Variants in MSR1 observed in about 807,000 individuals in gnomAD.
MSR1 encodes the protein macrophage scavenger receptor types I and II.
A neutral mutation model predicts 47.2 loss-of-function variants in MSR1; 53 were observed. The observed-to-expected ratio is 1.12, with a 90% CI of 0.90 to 1.41. The LOEUF is 1.41. Ranked by LOEUF, MSR1 falls within the 40% of genes most tolerant of loss-of-function variation. The pLI is 0.00. For missense variants in MSR1, 786 were observed against 546.9 expected (o/e 1.44, Z -4.36); for synonymous variants, 239 against 185.6 (o/e 1.29, Z -2.34).
chr8:16,182,057 G>T (rs1801848432), intron 1 of MSR1, among the ~76,000 whole-genome samples: 1 of 152,056 alleles, frequency 6.6e-6, no homozygotes, highest in African/African-American at 2.4e-5. Flanking sequence ...ACTGCTGCTA[G>T]GCAACAAACC....
At chr8:16,165,958 T>C (rs989210494) in intron 4 of MSR1, among the ~76,000 whole-genome samples, 8 of 152,016 alleles carry the variant, frequency 5.3e-5, no homozygotes, top group African/African-American at 1.2e-4. Flanking sequence ...AAAGGTGAAA[T>C]AGTGAGCATG....
At chr8:16,183,849 T>G (rs1416589908) in intron 1 of MSR1, among the ~76,000 whole-genome samples, 2 of 144,034 alleles carry the variant, frequency 1.4e-5, no homozygotes, top group African/African-American at 5.0e-5. Flanking sequence ...ATCATAGAAT[T>G]GGCAATATAT....
intron 9 of MSR1, among the ~76,000 whole-genome samples, chr8:16,112,688 G>C (rs1157729869): frequency 6.6e-6 from 1 of 151,874 alleles, no homozygotes; most frequent in Non-Finnish European, 1.5e-5. Flanking sequence ...GATAATAACT[G>C]TTATTCAAGG....
At chr8:16,171,249 A>C (rs1381079416) in intron 3 of MSR1, among the ~76,000 whole-genome samples, 1 of 151,368 alleles carries the variant, frequency 6.6e-6, no homozygotes, top group Non-Finnish European at 1.5e-5. Context: ...AAAAAAAAAA[A>C]AGAAGCTGTT....
chr8:16,182,575 T>C (rs1004133398), intron 1 of MSR1, among the ~76,000 whole-genome samples: 3 of 151,954 alleles, frequency 2.0e-5, no homozygotes, highest in Non-Finnish European at 4.4e-5. Flanking sequence ...TTTTTTTTAA[T>C]GTTTCTACTT....
chr8:16,138,998 C>T (rs1162207060), intron 8 of MSR1, among the ~76,000 whole-genome samples: 1 of 152,148 alleles, frequency 6.6e-6, no homozygotes, highest in African/African-American at 2.4e-5. Context: ...ATTAGCCTGA[C>T]ATTTTGTTTT....
At chr8:16,123,514 C>A (rs1245988690) in intron 8 of MSR1, among the ~76,000 whole-genome samples, 1 of 101,352 alleles carries the variant, frequency 9.9e-6, no homozygotes, top group Non-Finnish European at 2.0e-5. Flanking sequence ...TATATTTAGT[C>A]AGATAGGGCT....
intron 7 of MSR1, among the ~76,000 whole-genome samples, chr8:16,148,387 C>G (rs1800756462): frequency 6.6e-6 from 1 of 152,140 alleles, no homozygotes; most frequent in Non-Finnish European, 1.5e-5. Flanking sequence ...ATCCAACAAT[C>G]ACACTCTTAG....
chr8:16,126,877 T>C (rs1414481553), intron 8 of MSR1, among the ~76,000 whole-genome samples: 6 of 152,062 alleles, frequency 3.9e-5, no homozygotes, highest in Non-Finnish European at 2.9e-5. Context: ...TTTTGCACAG[T>C]TTACTTAATG....
intron 5 of MSR1, among the ~76,000 whole-genome samples, chr8:16,157,871 C>G (rs1801054264): frequency 6.6e-6 from 1 of 151,892 alleles, no homozygotes; most frequent in Non-Finnish European, 1.5e-5. Flanking sequence ...TGTTGGCTTT[C>G]TTCTTCTTTT....
intron 8 of MSR1, among the ~76,000 whole-genome samples, chr8:16,125,754 TC>T (rs1800114082): frequency 6.6e-6 from 1 of 152,130 alleles, no homozygotes; most frequent in Non-Finnish European, 1.5e-5. Flanking sequence ...ACATTGTATT[TC>T]TTTTAAAAAT....
At chr8:16,189,127 A>G (rs917279423) in intron 1 of MSR1, among the ~76,000 whole-genome samples, 1 of 140,278 alleles carries the variant, frequency 7.1e-6, no homozygotes, top group Non-Finnish European at 1.5e-5. Context: ...TATACGCAAA[A>G]CCTTATTTTA....
chr8:16,174,140 G>C (rs957910820), intron 3 of MSR1, among the ~76,000 whole-genome samples: 1 of 151,962 alleles, frequency 6.6e-6, no homozygotes, highest in African/African-American at 2.4e-5. Flanking sequence ...TAATTGTAAG[G>C]GTGTATTATT....
chr8:16,109,878 T>G lies in MSR1; in HGVS notation c.*207A>C. 1.6e-6 allele frequency: 1 copy of G among 623,798 alleles called. No individual in the cohort carries two copies. Among genetic ancestry groups the G allele is most frequent in the Non-Finnish European group, 2.7e-6 (1 of 370,700 alleles). The allele number at this position is 623,798 out of a possible 1,614,324, so 38.6% of individuals were successfully genotyped here. A position where few individuals can be genotyped will look rare whatever the true frequency, so the allele number is the denominator to read the frequency against. On this transcript the variant is annotated 3_prime_UTR_variant, in exon 10 of 10. Coordinates refer to ENST00000262101, the MANE Select transcript of MSR1 (RefSeq NM_138715.3). Reference sequence around the variant, plus strand: ...AGTCATTATATTAGAAAATTCCATTTAAAAACCTATAGAAGTTAAAATGAT... The same window carrying G: ...AGTCATTATATTAGAAAATTCCATTGAAAAACCTATAGAAGTTAAAATGAT...
chr8:16,133,958 C>T (rs1186359301), intron 8 of MSR1, among the ~76,000 whole-genome samples: 1 of 152,128 alleles, frequency 6.6e-6, no homozygotes, highest in Non-Finnish European at 1.5e-5. Flanking sequence ...TCTGCTGTCT[C>T]AGTTCTTTTC....
chr8:16,152,478 G>A (rs748855940), intron 6 of MSR1, among the ~76,000 whole-genome samples: 1 of 152,056 alleles, frequency 6.6e-6, no homozygotes, highest in South Asian at 2.1e-4. Flanking sequence ...CTGGAAGCAC[G>A]ATTCCTATGG....
chr8:16,126,134 A>G (rs1800122834), intron 8 of MSR1, among the ~76,000 whole-genome samples: 1 of 152,202 alleles, frequency 6.6e-6, no homozygotes, highest in East Asian at 1.9e-4. Flanking sequence ...TGAACCCTGC[A>G]CAAATTATTT....
At chr8:16,155,353 A>G (rs550415349) in intron 5 of MSR1, among the ~76,000 whole-genome samples, 3 of 152,108 alleles carry the variant, frequency 2.0e-5, no homozygotes, top group South Asian at 2.1e-4. Flanking sequence ...CATTGCCTCA[A>G]AGTAAACAAC....
chr8:16,159,347 T>C (rs974932711), intron 5 of MSR1, among the ~76,000 whole-genome samples: 23 of 152,018 alleles, frequency 1.5e-4, no homozygotes, highest in Non-Finnish European at 2.8e-4. Context: ...TTTGCTTCTT[T>C]AAATCACGTT....
Sources: gnomAD v4.1 joint callset for allele counts (sites outside exome capture counted in the v4.1 genomes callset) on GRCh38, gnomAD v4.1.1 for gene constraint, MANE v1.5 for transcripts, NCBI Gene and HGNC (gene_info 2026-07-23, HGNC 2026-07-21) for gene names.